The following USP28 variants were observed in gnomAD, a reference collection of about 807,000 sequenced individuals.
The protein encoded by USP28 is ubiquitin specific peptidase 28, also known as ubiquitin carboxyl-terminal hydrolase 28.
USP28 carries 113 observed loss-of-function variants against 145.0 expected under a neutral mutation model. That is an observed-to-expected ratio of 0.78 (90% CI 0.67 to 0.91). The LOEUF (loss-of-function observed/expected upper bound fraction) is 0.91. Ranked by LOEUF, USP28 falls within the 40% of genes least tolerant of loss-of-function variation. The probability of loss-of-function intolerance (pLI) is 0.00; values close to 1 mark genes in which losing one functional copy is unlikely to be tolerated. For synonymous variants in USP28, 447 were observed against 450.9 expected (o/e 0.99, Z 0.11); for missense variants, 1,201 against 1,289.6 (o/e 0.93, Z 1.05).
At position 113,865,659 on chromosome 11, in the gene USP28, C is replaced by T. The variant is rs536336880; in HGVS notation, c.57+9786G>A. Among the ~76,000 whole-genome samples the T allele has an allele frequency of 2.0e-5, 3 of 152,292 alleles. No homozygotes were observed. In the East Asian group the frequency reaches 5.8e-4, roughly 29 times the overall value. Reference sequence around the variant, plus strand: ...GGATATCCACAGCAGAAGAATCACACTGGACCCCTACCTCACACAATACAC... The same window carrying T: ...GGATATCCACAGCAGAAGAATCACATTGGACCCCTACCTCACACAATACAC... On this transcript the variant is annotated intron_variant, in intron 1 of 24. Transcript: ENST00000003302.
chr11:113,830,815 A>G, intron 9 of USP28, 52 bp downstream of exon 9: 1 of 1,565,504 alleles, frequency 6.4e-7, no homozygotes, highest in East Asian at 2.2e-5. Flanking sequence ...GGGACACAGT[A>G]ATAAAGATAT....
chr11:113,827,357 A>G (rs1591288355), exon 11 of USP28: 1 of 1,593,172 alleles, frequency 6.3e-7, no homozygotes, highest in Middle Eastern at 1.7e-4. Context: ...TTTGTAAACC[A>G]ACGCTAGTGT....
chr11:113,830,793 T>C, intron 9 of USP28, 74 bp downstream of exon 9: 2 of 1,433,354 alleles, frequency 1.4e-6, no homozygotes, highest in African/African-American at 1.4e-5. Context: ...TTCACTATAC[T>C]GCCTCCTCAA....
At chr11:113,847,141 C>T (rs1000095910) in intron 3 of USP28, among the ~76,000 whole-genome samples, 27 of 152,170 alleles carry the variant, frequency 1.8e-4, no homozygotes, top group African/African-American at 5.5e-4. Flanking sequence ...GCTGAAAATG[C>T]TAAGTGAGAA....
chr11:113,826,776 G>A (rs1461967782), intron 11 of USP28, among the ~76,000 whole-genome samples: 5 of 151,836 alleles, frequency 3.3e-5, no homozygotes, highest in East Asian at 2.0e-4. Context: ...AAAATTAGCC[G>A]GGTGTGGTGG....
intron 7 of USP28, 118 bp downstream of exon 7, chr11:113,833,302 A>G: frequency 7.3e-7 from 1 of 1,376,916 alleles, no homozygotes; most frequent in Non-Finnish European, 9.9e-7. Context: ...GTCAGAAACG[A>G]GCATCCATAG....
At chr11:113,806,945 T>C (rs190853600) in intron 18 of USP28, among the ~76,000 whole-genome samples, 7 of 152,352 alleles carry the variant, frequency 4.6e-5, no homozygotes, top group African/African-American at 1.7e-4. Flanking sequence ...AATTTAGTTC[T>C]GTACTTTGGG....
At chr11:113,824,089 C>T (rs551659420) in intron 11 of USP28, among the ~76,000 whole-genome samples, 4 of 151,056 alleles carry the variant, frequency 2.6e-5, no homozygotes, top group African/African-American at 9.7e-5. Context: ...TCAAAGGATA[C>T]AAAATCAATT....
chr11:113,836,519 T>A (rs1391721378), intron 5 of USP28, among the ~76,000 whole-genome samples: 1 of 152,152 alleles, frequency 6.6e-6, no homozygotes, highest in Non-Finnish European at 1.5e-5. Context: ...CTGAAGACTG[T>A]CATCTAGTAA....
At chr11:113,854,163 C>T (rs1946786152) in intron 2 of USP28, 95 bp downstream of exon 2, 1 of 1,158,706 alleles carries the variant, frequency 8.6e-7, no homozygotes. Flanking sequence ...CCTATATGTG[C>T]TTTAATTTGG....
At chr11:113,872,074 G>A (rs1948872539) in intron 1 of USP28, among the ~76,000 whole-genome samples, 2 of 152,268 alleles carry the variant, frequency 1.3e-5, no homozygotes, top group African/African-American at 4.8e-5. Flanking sequence ...ACCGAGTCTG[G>A]CACATAGTGC....
chr11:113,826,337 ATTTTTTTTTTTTTTTTT>A (rs71063527), intron 11 of USP28, among the ~76,000 whole-genome samples: 2 of 50,736 alleles, frequency 3.9e-5, no homozygotes, highest in Non-Finnish European at 6.7e-5. Context: ...CACCACACCC[ATTTTTTTTTTTTTTTTT>A]TTTTTTTTTT....
intron 21 of USP28, among the ~76,000 whole-genome samples, chr11:113,804,149 A>G (rs11214731): frequency 0.047 from 7,162 of 152,296 alleles, 506 homozygotes; most frequent in East Asian, 0.3. Flanking sequence ...TCTAACAGCT[A>G]TGTAAAAGAT....
At position 113,829,193 on chromosome 11, in the gene USP28, GTAC is replaced by G. The variant is rs867565896; in HGVS notation, c.1059+1_1059+3del. 6.2e-7 allele frequency: 1 copy of G among 1,610,850 alleles called. No homozygotes were observed. Among genetic ancestry groups the G allele is most frequent in the African/African-American group, 1.4e-5 (1 of 73,186 alleles). ...GGCACAGCAAATAAAGATCTCCAAC[GTAC>G]CTCTTGTCCATACTTCACCGAGTGA... is the stretch of plus-strand genomic sequence containing the variant. On this transcript the variant is annotated splice_donor_variant and splice_donor_region_variant and intron_variant, in intron 10 of 24. Transcript: ENST00000003302. LOFTEE classifies it high-confidence loss of function.
chr11:113,854,240 A>C lies in USP28; in HGVS notation c.135+18T>G, dbSNP rs1377011523. ...GCTGCTTTAAAGCCTCCTGACTAACAGAGATCTGGAAACCAACCTTCAGAG... is the reference window on the plus strand; with the variant it reads ...GCTGCTTTAAAGCCTCCTGACTAACCGAGATCTGGAAACCAACCTTCAGAG... On this transcript the variant is annotated intron_variant, in intron 2 of 24. Coordinates refer to ENST00000003302, the Ensembl canonical transcript of USP28. The C allele has an allele frequency of 1.2e-6, 2 of 1,607,784 alleles. No individual in the cohort carries two copies. The highest frequency in any genetic ancestry group is 1.7e-6 in the Non-Finnish European group (2 of 1,176,518).
chr11:113,814,261 G>A (rs555447814), intron 14 of USP28, among the ~76,000 whole-genome samples: 1 of 152,222 alleles, frequency 6.6e-6, no homozygotes, highest in South Asian at 2.1e-4. Flanking sequence ...CCTCAGACAG[G>A]ATCTGAAATG....
intron 12 of USP28, among the ~76,000 whole-genome samples, chr11:113,819,543 AAC>A (rs1942289326): frequency 6.6e-6 from 1 of 152,232 alleles, no homozygotes; most frequent in African/African-American, 2.4e-5. Flanking sequence ...GGTATCCATT[AAC>A]AGTTTCTTTT....
At chr11:113,852,478 A>G in intron 3 of USP28, 23 bp downstream of exon 3, 1 of 1,613,876 alleles carries the variant, frequency 6.2e-7, no homozygotes, top group Non-Finnish European at 8.5e-7. Context: ...GCAAAGGACC[A>G]AGACAGGATA....
intron 6 of USP28, 117 bp downstream of exon 6, chr11:113,834,132 C>G: frequency 1.5e-6 from 1 of 679,818 alleles, no homozygotes; most frequent in Non-Finnish European, 2.4e-6. Context: ...GAAATGAAAA[C>G]AAATAATTAG....
Sources: allele counts gnomAD v4.1 joint callset (sites outside exome capture counted in the v4.1 genomes callset), GRCh38; gene constraint gnomAD v4.1.1; transcripts MANE v1.5; gene names NCBI Gene and HGNC (gene_info 2026-07-23, HGNC 2026-07-21).